The following PDCD6IP variants were observed in gnomAD, a reference collection of about 807,000 sequenced individuals.
PDCD6IP encodes the protein programmed cell death 6 interacting protein, also known as programmed cell death 6-interacting protein.
A neutral mutation model predicts 103.7 loss-of-function variants in PDCD6IP; 43 were observed. The observed-to-expected ratio is 0.41, with a 90% CI of 0.32 to 0.53. The LOEUF (loss-of-function observed/expected upper bound fraction) is 0.53. Among genes scored for constraint, PDCD6IP ranks in the 20% least tolerant of loss-of-function variants. The probability of loss-of-function intolerance (pLI) is 0.16; values close to 1 mark genes in which losing one functional copy is unlikely to be tolerated. For synonymous variants in PDCD6IP, 354 were observed against 378.7 expected (o/e 0.93, Z 0.76); for missense variants, 871 against 1,036.7 (o/e 0.84, Z 2.20).
chr3:33,822,160 A>G (rs990964901), intron 4 of PDCD6IP, 78 bp downstream of exon 4: 2 of 1,419,302 alleles, frequency 1.4e-6, no homozygotes, highest in Non-Finnish European at 9.8e-7. Context: ...ATTTAGGTTT[A>G]TAGATACTTC....
intron 7 of PDCD6IP, among the ~76,000 whole-genome samples, chr3:33,834,532 A>G (rs968801078): frequency 6.6e-6 from 1 of 152,226 alleles, no homozygotes; most frequent in African/African-American, 2.4e-5. Flanking sequence ...TTCTCTAAGC[A>G]TGATACCAGC....
rs748102640 is a variant in PDCD6IP, at chr3:33,866,558, C to T, written c.*33C>T. The T allele has an allele frequency of 4.6e-6, 7 of 1,535,084 alleles. No homozygotes were observed. The highest frequency in any genetic ancestry group is 5.3e-6 in the Non-Finnish European group (6 of 1,140,128). On this transcript the variant is annotated 3_prime_UTR_variant, in exon 18 of 18. Coordinates refer to ENST00000307296, the MANE Select transcript of PDCD6IP (RefSeq NM_013374.6). ...GCTCAGCAGCTCAGCTGATTCAGAT[C>T]AGAGGGAAAGAAATACCAACCCTGC...
chr3:33,866,040 A>G (rs1214097239), intron 17 of PDCD6IP, among the ~76,000 whole-genome samples: 3 of 152,172 alleles, frequency 2.0e-5, no homozygotes. Context: ...TTAGATGACT[A>G]GTTTTGCCAC....
chr3:33,817,264 C>G (rs773619708), intron 3 of PDCD6IP, among the ~76,000 whole-genome samples: 6 of 151,882 alleles, frequency 4.0e-5, no homozygotes, highest in Non-Finnish European at 2.9e-5. Context: ...CCAGGCAACT[C>G]GAGTGTGGTA....
intron 2 of PDCD6IP, 114 bp downstream of exon 2, chr3:33,812,240 T>G: frequency 7.1e-7 from 1 of 1,399,120 alleles, no homozygotes; most frequent in East Asian, 2.7e-5. Flanking sequence ...TAGGAGCTTT[T>G]AGATCTGTCT....
At chr3:33,804,557 G>A (rs1448891843) in intron 1 of PDCD6IP, among the ~76,000 whole-genome samples, 2 of 152,216 alleles carry the variant, frequency 1.3e-5, no homozygotes, top group African/African-American at 2.4e-5. Context: ...TTCCACATAG[G>A]TGAATAAACA....
At chr3:33,829,630 T>C (rs535184677) in intron 7 of PDCD6IP, among the ~76,000 whole-genome samples, 13 of 152,262 alleles carry the variant, frequency 8.5e-5, no homozygotes, top group Admixed American at 3.9e-4. Context: ...GAGCAAGAGC[T>C]GTTTGTATGA....
At position 33,798,693 on chromosome 3, in the gene PDCD6IP, G is replaced by A. The variant is rs566691033; in HGVS notation, c.-36G>A. On this transcript the variant is annotated 5_prime_UTR_variant, in exon 1 of 18. Coordinates refer to ENST00000307296, the MANE Select transcript of PDCD6IP (RefSeq NM_013374.6). ...CCTCGGCCCTCGTAAGCTGTCCGCG[G>A]TCTGTTTGGCCCGAACGGCGGCGGA... 3.2e-4 allele frequency: 483 copies of A among 1,503,600 alleles called. No individual in the cohort carries two copies. Among genetic ancestry groups the A allele is most frequent in the South Asian group, 1.2e-3 (91 of 78,532 alleles). The allele number at this position is 1,503,600 out of a possible 1,614,324, so 93.1% of individuals were successfully genotyped here.
intron 1 of PDCD6IP, among the ~76,000 whole-genome samples, 165 bp from the exon 2 acceptor site, chr3:33,811,907 A>G (rs973778981): frequency 1.3e-5 from 2 of 152,198 alleles, no homozygotes; most frequent in African/African-American, 2.4e-5. Context: ...TTCACTGCAT[A>G]TATTTTTTAA....
intron 12 of PDCD6IP, among the ~76,000 whole-genome samples, chr3:33,850,587 ATTTAT>A (rs1230178270): frequency 6.6e-6 from 1 of 151,968 alleles, no homozygotes; most frequent in African/African-American, 2.4e-5. Flanking sequence ...GTATATGTAT[ATTTAT>A]TTTCTGATTT....
chr3:33,834,259 A>G (rs947562984), intron 7 of PDCD6IP, among the ~76,000 whole-genome samples: 1 of 152,122 alleles, frequency 6.6e-6, no homozygotes, highest in East Asian at 1.9e-4. Flanking sequence ...TCACCTGGCA[A>G]GGTTTTCTCA....
rs755834441 is a variant in PDCD6IP at position 33,864,089 on chromosome 3, A to G, written c.2204A>G (p.His735Arg). 6.2e-7 allele frequency: 1 copy of G among 1,612,386 alleles called. No homozygotes were observed. The highest frequency in any genetic ancestry group is 2.2e-5 in the East Asian group (1 of 44,884). Reference sequence around the variant, plus strand: ...TATCAGTCCTCACCAGCAGGAGGACATGCACCAACTCCTCCAACTCCAGCG... The same window carrying G: ...TATCAGTCCTCACCAGCAGGAGGACGTGCACCAACTCCTCCAACTCCAGCG... ...PAYQSSPAGG[H>R]APTPPTPAPR... Residue 735 changes from histidine (H) to arginine (R), a missense_variant, in exon 16 of 18, where the codon CAT becomes CGT. Physicochemically the swap from His to Arg is conservative, Grantham distance 29. Transcript: ENST00000307296.
At chr3:33,844,013 C>A in intron 10 of PDCD6IP, 99 bp from the exon 11 acceptor site, 1 of 705,982 alleles carries the variant, frequency 1.4e-6, no homozygotes, top group South Asian at 2.0e-5. Context: ...TCCCATCTCA[C>A]CAAATTCTCA....
At chr3:33,849,423 C>A (rs934425060) in intron 12 of PDCD6IP, among the ~76,000 whole-genome samples, 1 of 152,116 alleles carries the variant, frequency 6.6e-6, no homozygotes, top group African/African-American at 2.4e-5. Context: ...TTTGTTTAAT[C>A]CTCCCCTTTG....
intron 1 of PDCD6IP, among the ~76,000 whole-genome samples, chr3:33,802,245 C>G (rs1007737183): frequency 6.6e-6 from 1 of 152,076 alleles, no homozygotes; most frequent in Non-Finnish European, 1.5e-5. Context: ...AGGGTGTTTC[C>G]TGGCAACTGT....
At position 33,854,120 on chromosome 3, in the gene PDCD6IP, A is replaced by G. The variant is rs776908312; in HGVS notation, c.2025+107A>G. 4.0e-5 allele frequency: 52 copies of G among 1,286,174 alleles called. No homozygotes were observed. The Admixed American group carries it at 6.2e-4, about 15-fold the overall frequency. The allele number at this position is 1,286,174 out of a possible 1,614,324, so 79.7% of individuals were successfully genotyped here. A position where few individuals can be genotyped will look rare whatever the true frequency, so the allele number is the denominator to read the frequency against. On this transcript the variant is annotated intron_variant, in intron 14 of 17. Transcript: ENST00000307296. ...TTGAACCAAATTGCTCTTTGCCTAG[A>G]ATTTTAGCTTTAATGCCATTGCTGC... is the stretch of plus-strand genomic sequence containing the variant.
rs773197346 is a variant in PDCD6IP at position 33,866,454 on chromosome 3, T to C, written c.2536T>C (p.Tyr846His). The C allele has an allele frequency of 2.5e-6, 4 of 1,612,166 alleles. No individual in the cohort carries two copies. The highest frequency in any genetic ancestry group is 3.4e-6 in the Non-Finnish European group (4 of 1,179,302). ...VYHQSPGQAP[Y>H]PGPQQPSYPF... ...TCACCAGAGTCCTGGACAGGCTCCATACCCGGGACCCCAGCAGCCTTCATA... is the reference window on the plus strand; with the variant it reads ...TCACCAGAGTCCTGGACAGGCTCCACACCCGGGACCCCAGCAGCCTTCATA... Residue 846 changes from tyrosine to histidine, a missense_variant, in exon 18 of 18, where the codon TAC becomes CAC. Coordinates refer to ENST00000307296, the MANE Select transcript of PDCD6IP (RefSeq NM_013374.6).
In PDCD6IP at chr3:33,827,320, C is replaced by T. The variant is rs1297216677; in HGVS notation, c.717+740C>T. 5.3e-6 allele frequency: 3 copies of T among 565,344 alleles called. No homozygotes were observed. In the African/African-American group the frequency reaches 6.1e-5, roughly 12 times the overall value. The allele number at this position is 565,344 out of a possible 1,614,324, so 35.0% of individuals were successfully genotyped here. On this transcript the variant is annotated intron_variant, in intron 6 of 17. Coordinates refer to ENST00000307296, the MANE Select transcript of PDCD6IP (RefSeq NM_013374.6). ...GAAATGTTCAAGGAATTAGTTTCATCATATGGTATCTGTTACATGATTTTT... is the reference window on the plus strand; with the variant it reads ...GAAATGTTCAAGGAATTAGTTTCATTATATGGTATCTGTTACATGATTTTT...
chr3:33,823,522 G>A (rs1191590187), intron 4 of PDCD6IP, among the ~76,000 whole-genome samples: 1 of 152,184 alleles, frequency 6.6e-6, no homozygotes, highest in East Asian at 1.9e-4. Context: ...GGTGGCTCAC[G>A]CCTGTAATCC....
Sources: gnomAD v4.1 joint callset for allele counts (sites outside exome capture counted in the v4.1 genomes callset) on GRCh38, gnomAD v4.1.1 for gene constraint, MANE v1.5 for transcripts, NCBI Gene and HGNC (gene_info 2026-07-23, HGNC 2026-07-21) for gene names.